Variants in PAQR5 observed in about 807,000 individuals in gnomAD.
The protein encoded by PAQR5 is membrane progestin receptor gamma.
Under a neutral mutation model 34.5 loss-of-function variants are expected in PAQR5, and 20 were observed. The ratio of observed to expected loss-of-function variants is 0.58; its 90% CI spans 0.41 to 0.84. PAQR5 has a LOEUF of 0.84. Ranked by LOEUF, PAQR5 falls within the 40% of genes least tolerant of loss-of-function variation. The pLI is 0.00. For missense variants in PAQR5, 378 were observed against 412.7 expected (o/e 0.92, Z 0.73); for synonymous variants, 131 against 155.6 (o/e 0.84, Z 1.18).
intron 1 of PAQR5, among the ~76,000 whole-genome samples, chr15:69,328,684 C>T (rs1245536587): frequency 6.6e-6 from 1 of 152,228 alleles, no homozygotes; most frequent in Non-Finnish European, 1.5e-5. Context: ...GAGTGGCCCA[C>T]AGTGACATGG....
At position 69,404,845 on chromosome 15, in the gene PAQR5, C is replaced by G; in HGVS notation, c.*1023C>G. 2.5e-6 allele frequency: 1 copy of G among 397,726 alleles called. No homozygotes were observed. Among genetic ancestry groups the G allele is most frequent in the East Asian group, 3.6e-5 (1 of 28,044 alleles). 24.6% of individuals were successfully genotyped at this position (397,726 alleles called of 1,614,324 possible). On this transcript the variant is annotated 3_prime_UTR_variant, in exon 9 of 9. Coordinates refer to ENST00000395407, the MANE Select transcript of PAQR5 (RefSeq NM_017705.4). Reference sequence around the variant, plus strand: ...GACAAATGCAGACTCCTAGGGAAAACCAGGGGGTTCTGCTTCACTAGGTTA... The same window carrying G: ...GACAAATGCAGACTCCTAGGGAAAAGCAGGGGGTTCTGCTTCACTAGGTTA...
Position 69,398,312 on chromosome 15 carries a change from C to T in PAQR5, c.609+748C>T, listed in dbSNP as rs73426012. 6.3e-3 allele frequency among the ~76,000 whole-genome samples: 955 copies of T among 152,184 alleles called. 7 individuals are homozygous for T. Among genetic ancestry groups the T allele is most frequent in the African/African-American group, 0.022 (901 of 41,490 alleles). The stretch of plus-strand genomic sequence containing the variant: ...ACAAGTAGGACTAGAAGGGGAAAGT[C>T]CACGCACTTTCAAACCATACGGGCT... On this transcript the variant is annotated intron_variant, in intron 7 of 8. Coordinates refer to ENST00000395407, the MANE Select transcript of PAQR5 (RefSeq NM_017705.4).
intron 1 of PAQR5, among the ~76,000 whole-genome samples, chr15:69,336,758 T>C (rs2054523266): frequency 6.6e-6 from 1 of 152,256 alleles, no homozygotes. Context: ...TGTTTGGTTT[T>C]CTTTGGACTG....
chr15:69,310,370 G>C (rs2053803962), intron 1 of PAQR5, among the ~76,000 whole-genome samples: 1 of 152,156 alleles, frequency 6.6e-6, no homozygotes, highest in Admixed American at 6.6e-5. Context: ...ACCAGCAGTG[G>C]ATGAGAATAC....
intron 2 of PAQR5, among the ~76,000 whole-genome samples, chr15:69,339,797 A>G (rs2054597932): frequency 6.6e-6 from 1 of 151,286 alleles, no homozygotes; most frequent in Non-Finnish European, 1.5e-5. Flanking sequence ...AGAATGTACC[A>G]GAGCATGTGT....
intron 2 of PAQR5, among the ~76,000 whole-genome samples, chr15:69,359,738 A>T (rs2055183665): frequency 6.6e-6 from 1 of 152,060 alleles, no homozygotes; most frequent in Non-Finnish European, 1.5e-5. Context: ...GAAATTGGGC[A>T]TAAGACAATA....
intron 5 of PAQR5, among the ~76,000 whole-genome samples, chr15:69,388,665 G>C (rs1222909122): frequency 6.6e-6 from 1 of 152,280 alleles, no homozygotes; most frequent in Non-Finnish European, 1.5e-5. Flanking sequence ...GCCTGCTGCA[G>C]CTGGGAGTAT....
intron 2 of PAQR5, among the ~76,000 whole-genome samples, chr15:69,346,128 A>T (rs1045821825): frequency 2.0e-5 from 3 of 152,044 alleles, no homozygotes; most frequent in Admixed American, 2.0e-4. Flanking sequence ...TAGAAATTAC[A>T]ATCTGGATTT....
At chr15:69,393,802 T>C (rs1207614982) in intron 6 of PAQR5, among the ~76,000 whole-genome samples, 1 of 152,238 alleles carries the variant, frequency 6.6e-6, no homozygotes, top group East Asian at 1.9e-4. Context: ...AAGGCCAATC[T>C]CAACATAGAG....
chr15:69,323,216 A>G (rs897483658), intron 1 of PAQR5, among the ~76,000 whole-genome samples: 4 of 152,236 alleles, frequency 2.6e-5, no homozygotes, highest in Non-Finnish European at 4.4e-5. Flanking sequence ...CTGGATCTCC[A>G]TGAGTCTCCA....
At chr15:69,381,799 C>T (rs113660787) in intron 4 of PAQR5, among the ~76,000 whole-genome samples, 626 of 152,292 alleles carry the variant, frequency 4.1e-3, no homozygotes, top group Non-Finnish European at 6.3e-3. Context: ...GCTTTACTTC[C>T]CGCTGGGACA....
At chr15:69,402,908 A>T (rs539586155) in intron 8 of PAQR5, among the ~76,000 whole-genome samples, 2 of 152,052 alleles carry the variant, frequency 1.3e-5, no homozygotes, top group South Asian at 2.1e-4. Flanking sequence ...CACTCCCACT[A>T]CCCTCTACTG....
chr15:69,393,420 C>T (rs912547702), intron 6 of PAQR5, among the ~76,000 whole-genome samples: 9 of 135,120 alleles, frequency 6.7e-5, no homozygotes, highest in African/African-American at 2.4e-4. Context: ...CCTGCTCCCC[C>T]AGACTTGCTG....
intron 1 of PAQR5, among the ~76,000 whole-genome samples, chr15:69,313,127 T>A (rs540135642): frequency 1.3e-5 from 2 of 152,190 alleles, no homozygotes; most frequent in Non-Finnish European, 2.9e-5. Context: ...CTTTGTTGTA[T>A]GTGTTTTACC....
At chr15:69,326,256 CCAAG>C in intron 1 of PAQR5, among the ~76,000 whole-genome samples, 1 of 152,116 alleles carries the variant, frequency 6.6e-6, no homozygotes, top group East Asian at 1.9e-4. Context: ...AAGCTCCCAG[CCAAG>C]CCTGGCAGGA....
intron 6 of PAQR5, chr15:69,391,865 T>C: frequency 2.7e-6 from 1 of 373,212 alleles, no homozygotes; most frequent in Non-Finnish European, 5.3e-6. Flanking sequence ...AAGACCAGCC[T>C]GGCCAATGTG....
At chr15:69,325,764 C>T (rs944394048) in intron 1 of PAQR5, among the ~76,000 whole-genome samples, 4 of 152,196 alleles carry the variant, frequency 2.6e-5, no homozygotes, top group African/African-American at 2.4e-5. Context: ...TCCCCAAACA[C>T]GTGACCCCTC....
intron 1 of PAQR5, among the ~76,000 whole-genome samples, chr15:69,306,341 C>CTTT (rs34784689): frequency 1.4e-5 from 2 of 146,496 alleles, no homozygotes; most frequent in Non-Finnish European, 3.0e-5. Context: ...AACATTTAAC[C>CTTT]TTTTTTTTTT....
At chr15:69,319,189 A>ATATT (rs2054035412) in intron 1 of PAQR5, among the ~76,000 whole-genome samples, 2 of 8,814 alleles carry the variant, frequency 2.3e-4, no homozygotes, top group Non-Finnish European at 1.1e-3. Flanking sequence ...ATATATATAT[A>ATATT]TATATATATA....
Sources: allele counts gnomAD v4.1 joint callset (sites outside exome capture counted in the v4.1 genomes callset), GRCh38; gene constraint gnomAD v4.1.1; transcripts MANE v1.5; gene names NCBI Gene and HGNC (gene_info 2026-07-23, HGNC 2026-07-21).